Variants in KTN1 observed in about 807,000 individuals in gnomAD.
KTN1 encodes kinectin.
Under a neutral mutation model 222.5 loss-of-function variants are expected in KTN1, and 130 were observed. The observed-to-expected ratio is 0.58, with a 90% confidence interval of 0.51 to 0.68. The LOEUF (loss-of-function observed/expected upper bound fraction) is 0.68, where lower values mean the gene tolerates loss of function less well. Ranked by LOEUF, KTN1 falls within the 30% of genes least tolerant of loss-of-function variation. The probability of loss-of-function intolerance (pLI) is 0.00; values close to 1 mark genes in which losing one functional copy is unlikely to be tolerated. For missense variants in KTN1, 1,508 were observed against 1,500.4 expected (o/e 1.01, Z -0.08); for synonymous variants, 512 against 496.3 (o/e 1.03, Z -0.42).
chr14:55,634,646 T>C lies in KTN1; in HGVS notation c.1449T>C (p.Ala483=), dbSNP rs1175506898. The change falls in exon 9 of 44, where the codon GCT becomes GCC. Residue 483 remains alanine, a synonymous_variant. Coordinates refer to ENST00000395314, the MANE Select transcript of KTN1 (RefSeq NM_001079521.2). ...EVQKKNAEQA[A]TQLKVQLQEA... Reference sequence around the variant, plus strand: ...AAAAGAAGAATGCTGAGCAAGCAGCTACTCAGTTGAAGGTGATATATTCTC... The same window carrying C: ...AAAAGAAGAATGCTGAGCAAGCAGCCACTCAGTTGAAGGTGATATATTCTC... The C allele has an allele frequency of 1.2e-6, 2 of 1,612,488 alleles. No individual in the cohort carries two copies. The highest frequency in any genetic ancestry group is 1.7e-6 in the Non-Finnish European group (2 of 1,179,400).
At chr14:55,626,782 T>C (rs573776753) in intron 5 of KTN1, among the ~76,000 whole-genome samples, 1 of 152,318 alleles carries the variant, frequency 6.6e-6, no homozygotes, top group Admixed American at 6.5e-5. Context: ...GGTCTCCCTG[T>C]AGAGAATCTT....
At chr14:55,646,121 T>G (rs1002379037) in intron 18 of KTN1, among the ~76,000 whole-genome samples, 1 of 152,050 alleles carries the variant, frequency 6.6e-6, no homozygotes, top group Non-Finnish European at 1.5e-5. Flanking sequence ...CATTGGGGAC[T>G]TGTGTGTGTA....
intron 2 of KTN1, 134 bp downstream of exon 2, chr14:55,612,705 T>C: frequency 1.3e-6 from 1 of 764,722 alleles, no homozygotes; most frequent in Non-Finnish European, 2.0e-6. Flanking sequence ...ATTATGTGTT[T>C]GCTTCATTAA....
intron 41 of KTN1, among the ~76,000 whole-genome samples, chr14:55,677,377 T>C (rs780170662): frequency 6.0e-5 from 9 of 149,998 alleles, no homozygotes; most frequent in Non-Finnish European, 1.3e-4. Context: ...CTCAGGAGGC[T>C]GAGGCAGAAG....
intron 1 of KTN1, among the ~76,000 whole-genome samples, chr14:55,582,679 C>T (rs1320499609): frequency 6.6e-6 from 1 of 152,040 alleles, no homozygotes; most frequent in Non-Finnish European, 1.5e-5. Flanking sequence ...GAAGTTTTAA[C>T]CTGAAAGATC....
intron 22 of KTN1, 44 bp from the exon 23 acceptor site, chr14:55,650,284 C>A: frequency 1.5e-6 from 2 of 1,292,222 alleles, no homozygotes; most frequent in Non-Finnish European, 2.2e-6. Flanking sequence ...CTTGGTGGGT[C>A]TTGGTGATTT....
At chr14:55,677,966 A>C (rs1360867941) in intron 41 of KTN1, among the ~76,000 whole-genome samples, 1 of 152,138 alleles carries the variant, frequency 6.6e-6, no homozygotes, top group East Asian at 1.9e-4. Flanking sequence ...CCAAAGTGCT[A>C]GGATTACAGG....
In KTN1 at chr14:55,580,343, C is replaced by G. The variant is rs1329427264; in HGVS notation, c.-42C>G. 2.0e-5 allele frequency: 3 copies of G among 147,780 alleles called. No individual in the cohort carries two copies. 9.2% of individuals were successfully genotyped at this position (147,780 alleles called of 1,614,324 possible). On this transcript the variant is annotated 5_prime_UTR_variant, in exon 1 of 44. Coordinates refer to ENST00000395314, the MANE Select transcript of KTN1 (RefSeq NM_001079521.2). The stretch of plus-strand genomic sequence containing the variant: ...GCCGCGTCTTCCCGGTCTCCTTTCC[C>G]GGCCGCACAGGGTGAGGGAGAGCAG...
chr14:55,625,926 T>C (rs1242625989), intron 5 of KTN1, among the ~76,000 whole-genome samples: 1 of 152,164 alleles, frequency 6.6e-6, no homozygotes, highest in Non-Finnish European at 1.5e-5. Flanking sequence ...CAATCACGTG[T>C]TTATTATTTA....
intron 1 of KTN1, among the ~76,000 whole-genome samples, chr14:55,597,269 G>T (rs1295183695): frequency 1.3e-5 from 2 of 152,192 alleles, no homozygotes; most frequent in Admixed American, 6.5e-5. Context: ...TAATAAGTGA[G>T]TAAAAGTCTT....
At position 55,640,923 on chromosome 14, in the gene KTN1, C is replaced by T. The variant is rs2041734873; in HGVS notation, c.1984-10C>T. ...GAAGTGATATCATTTTCTTCTCATT[C>T]CACACACAGGCTGCTGCTGCACATG... is the stretch of plus-strand genomic sequence containing the variant. On this transcript the variant is annotated splice_polypyrimidine_tract_variant and intron_variant, in intron 15 of 43. Coordinates refer to ENST00000395314, the MANE Select transcript of KTN1 (RefSeq NM_001079521.2). The T allele has an allele frequency of 6.2e-7, 1 of 1,610,682 alleles. No homozygotes were observed. The highest frequency in any genetic ancestry group is 1.3e-5 in the African/African-American group (1 of 74,806).
intron 14 of KTN1, 48 bp downstream of exon 14, chr14:55,640,051 T>G (rs1033618678): frequency 9.2e-7 from 1 of 1,092,092 alleles, no homozygotes; most frequent in African/African-American, 1.6e-5. Flanking sequence ...GAACTGAAAT[T>G]TAAATTACTT....
chr14:55,643,637 C>T (rs953227327), intron 18 of KTN1, among the ~76,000 whole-genome samples: 3 of 152,122 alleles, frequency 2.0e-5, no homozygotes, highest in African/African-American at 4.8e-5. Context: ...CAGGTGCTGG[C>T]GACTCTTATT....
intron 5 of KTN1, among the ~76,000 whole-genome samples, chr14:55,620,851 C>T (rs28831725): frequency 0.077 from 11,652 of 152,236 alleles, 499 homozygotes; most frequent in South Asian, 0.12. Flanking sequence ...TTTGGTTCCT[C>T]ATTACTTATG....
At chr14:55,617,708 G>T (rs1273966503) in intron 3 of KTN1, among the ~76,000 whole-genome samples, 1 of 152,124 alleles carries the variant, frequency 6.6e-6, no homozygotes, top group Non-Finnish European at 1.5e-5. Context: ...AAAGTTTTTA[G>T]ATACCATTAG....
At chr14:55,670,913 G>T in intron 35 of KTN1, 104 bp downstream of exon 35, 2 of 679,826 alleles carry the variant, frequency 2.9e-6, no homozygotes, top group Non-Finnish European at 4.9e-6. Context: ...ATCGAATAAG[G>T]CTCTTTTGAG....
chr14:55,650,496 T>C, intron 23 of KTN1, 73 bp from the exon 24 acceptor site: 1 of 1,501,098 alleles, frequency 6.7e-7, no homozygotes, highest in South Asian at 1.2e-5. Flanking sequence ...CGTGTGTTTT[T>C]GTCTGTGCAT....
At chr14:55,614,554 A>G (rs8007065) in intron 2 of KTN1, among the ~76,000 whole-genome samples, 9,183 of 152,252 alleles carry the variant, frequency 0.06, 383 homozygotes, top group South Asian at 0.09. Context: ...ATGCCCATGA[A>G]CCAAGAACAC....
At chr14:55,614,997 A>G (rs1011996286) in intron 2 of KTN1, among the ~76,000 whole-genome samples, 13 of 152,180 alleles carry the variant, frequency 8.5e-5, no homozygotes, top group Non-Finnish European at 1.3e-4. Context: ...TTAAGCGTGA[A>G]GGTAGTAGAA....
Sources: gnomAD v4.1 joint callset for allele counts (sites outside exome capture counted in the v4.1 genomes callset) on GRCh38, gnomAD v4.1.1 for gene constraint, MANE v1.5 for transcripts, NCBI Gene and HGNC (gene_info 2026-07-23, HGNC 2026-07-21) for gene names.